SESN3: variants seen among roughly 807,000 people sequenced by gnomAD.
SESN3 encodes the protein sestrin-3.
In SESN3, 21 loss-of-function variants were observed where a neutral mutation model predicts 55.3. That is an observed-to-expected ratio of 0.38 (90% CI 0.27 to 0.55). The LOEUF (loss-of-function observed/expected upper bound fraction) is 0.55. SESN3 is among the 20% of genes least tolerant of loss of function. SESN3 has a pLI of 0.76. For missense variants in SESN3, 408 were observed against 604.3 expected (o/e 0.68, Z 3.41); for synonymous variants, 181 against 203.1 (o/e 0.89, Z 0.93).
intron 1 of SESN3, among the ~76,000 whole-genome samples, chr11:95,199,846 G>A (rs975744808): frequency 2.6e-5 from 4 of 151,636 alleles, no homozygotes; most frequent in African/African-American, 9.7e-5. Flanking sequence ...AAATACTTAA[G>A]GATCTTTTTT....
intron 1 of SESN3, among the ~76,000 whole-genome samples, chr11:95,203,098 G>A (rs779960002): frequency 1.3e-5 from 2 of 152,108 alleles, no homozygotes; most frequent in Non-Finnish European, 2.9e-5. Flanking sequence ...TGAGGGACAA[G>A]TGGAGTTTTA....
intron 1 of SESN3, among the ~76,000 whole-genome samples, chr11:95,227,320 C>G (rs1041459872): frequency 6.6e-6 from 1 of 152,110 alleles, no homozygotes; most frequent in African/African-American, 2.4e-5. Flanking sequence ...ATTCTCCTGC[C>G]TCAGCCTCCT....
At chr11:95,212,052 A>G (rs947034511) in intron 1 of SESN3, among the ~76,000 whole-genome samples, 1 of 152,348 alleles carries the variant, frequency 6.6e-6, no homozygotes, top group Admixed American at 6.5e-5. Flanking sequence ...ATACTCTATA[A>G]TGTTATCTAT....
At position 95,184,482 on chromosome 11, in the gene SESN3, T is replaced by G. The variant is rs1860126173; in HGVS notation, c.875A>C (p.Lys292Thr). Residue 292 changes from lysine to threonine, a missense_variant, in exon 6 of 10, where the codon AAG becomes ACG. Lys to Thr is a moderately conservative substitution (Grantham distance 78). Coordinates refer to ENST00000536441, the MANE Select transcript of SESN3 (RefSeq NM_144665.4). ...CACAAAAAGACTTTCTTTCTTCTCCTTTTCAAAACGAGTGCTCATTTCTTC... is the reference window on the plus strand; with the variant it reads ...CACAAAAAGACTTTCTTTCTTCTCCGTTTCAAAACGAGTGCTCATTTCTTC... ...SQEEMSTRFEKEKKESLFVVS... is the reference protein window; with the variant it reads ...SQEEMSTRFETEKKESLFVVS... The G allele has an allele frequency of 5.0e-6, 8 of 1,613,546 alleles. No homozygotes were observed. The highest frequency in any genetic ancestry group is 6.8e-6 in the Non-Finnish European group (8 of 1,179,770).
At chr11:95,224,607 A>G in intron 1 of SESN3, 1 of 284,922 alleles carries the variant, frequency 3.5e-6, no homozygotes, top group Non-Finnish European at 6.9e-6. Flanking sequence ...GATTATCAAA[A>G]AGTTACATCC....
intron 1 of SESN3, among the ~76,000 whole-genome samples, chr11:95,209,612 C>T (rs1323814545): frequency 1.3e-5 from 2 of 151,288 alleles, no homozygotes; most frequent in Admixed American, 1.3e-4. Flanking sequence ...ATGTTTACTG[C>T]AGCACTATTC....
rs1375668394 is a variant in SESN3 at position 95,171,572 on chromosome 11, C to T, written c.*1683G>A. ...AATGATTTCATGAAACACTAGTTCA[C>T]GATTCTTTCACAAAAGAAAAGTTAA... On this transcript the variant is annotated 3_prime_UTR_variant, in exon 10 of 10. Transcript: ENST00000536441. The T allele has an allele frequency of 2.6e-5, 4 of 152,160 alleles. No individual in the cohort carries two copies. The highest frequency in any genetic ancestry group is 4.8e-5 in the African/African-American group (2 of 41,550). The allele number at this position is 152,160 out of a possible 1,614,324, so 9.4% of individuals were successfully genotyped here. A position where few individuals can be genotyped will look rare whatever the true frequency, so the allele number is the denominator to read the frequency against.
intron 1 of SESN3, among the ~76,000 whole-genome samples, chr11:95,204,597 G>A (rs181910497): frequency 6.6e-6 from 1 of 152,176 alleles, no homozygotes; most frequent in African/African-American, 2.4e-5. Context: ...AATGGGATTA[G>A]TGCCCTTTAT....
At chr11:95,196,564 C>A (rs1860364579) in intron 1 of SESN3, among the ~76,000 whole-genome samples, 1 of 152,108 alleles carries the variant, frequency 6.6e-6, no homozygotes, top group Admixed American at 6.6e-5. Flanking sequence ...CAAGTTCCTA[C>A]TTCACTCATA....
In SESN3 at chr11:95,190,025, C is replaced by T. The variant is rs553907873; in HGVS notation, c.343-64G>A. 5.0e-5 allele frequency: 62 copies of T among 1,237,346 alleles called. No homozygotes were observed. In the African/African-American group the frequency reaches 8.0e-4, roughly 16 times the overall value. The allele number at this position is 1,237,346 out of a possible 1,614,324, so 76.6% of individuals were successfully genotyped here. On this transcript the variant is annotated intron_variant, in intron 3 of 9. Coordinates refer to ENST00000536441, the MANE Select transcript of SESN3 (RefSeq NM_144665.4). ...ACAGTAGAGTTTCTTTCCACTATTT[C>T]TAAACAAATAATTCAGATGGAGCTA...
intron 1 of SESN3, among the ~76,000 whole-genome samples, chr11:95,223,321 T>TC (rs1451035593): frequency 6.6e-6 from 1 of 152,110 alleles, no homozygotes; most frequent in African/African-American, 2.4e-5. Context: ...TGCTGCTGCT[T>TC]CCCCCACACT....
intron 1 of SESN3, among the ~76,000 whole-genome samples, chr11:95,217,734 T>A (rs1177867753): frequency 6.6e-6 from 1 of 151,938 alleles, no homozygotes; most frequent in Non-Finnish European, 1.5e-5. Context: ...TCTTGCACAC[T>A]GCACTAGTTA....
chr11:95,229,110 G>A (rs1038968479), intron 1 of SESN3, among the ~76,000 whole-genome samples: 1 of 152,178 alleles, frequency 6.6e-6, no homozygotes, highest in African/African-American at 2.4e-5. Context: ...ATAACTTGCT[G>A]TCATTTTAAC....
chr11:95,225,453 C>A (rs943756746), intron 1 of SESN3, among the ~76,000 whole-genome samples: 11 of 152,134 alleles, frequency 7.2e-5, no homozygotes, highest in Admixed American at 6.5e-5. Flanking sequence ...ACCAATATTA[C>A]CTGGAGAATC....
intron 1 of SESN3, among the ~76,000 whole-genome samples, chr11:95,193,842 G>A (rs1317147805): frequency 2.0e-5 from 3 of 152,012 alleles, no homozygotes; most frequent in Non-Finnish European, 4.4e-5. Flanking sequence ...ATAAAATAGT[G>A]TTTTATAGTA....
intron 1 of SESN3, among the ~76,000 whole-genome samples, chr11:95,223,826 C>T (rs938180408): frequency 5.9e-5 from 9 of 152,110 alleles, no homozygotes; most frequent in Non-Finnish European, 1.0e-4. Context: ...GGAACCCCTT[C>T]GCACTCTTAA....
At chr11:95,198,141 C>T (rs1860396351) in intron 1 of SESN3, among the ~76,000 whole-genome samples, 1 of 152,094 alleles carries the variant, frequency 6.6e-6, no homozygotes, top group South Asian at 2.1e-4. Flanking sequence ...ATCTTTAAGT[C>T]ATCCTTTCCA....
At chr11:95,212,351 G>A (rs899026489) in intron 1 of SESN3, among the ~76,000 whole-genome samples, 13 of 152,196 alleles carry the variant, frequency 8.5e-5, no homozygotes, top group African/African-American at 1.4e-4. Flanking sequence ...TAACCACAGA[G>A]TAAGCTCTCT....
chr11:95,186,609 T>G (rs1230874881), intron 4 of SESN3, among the ~76,000 whole-genome samples: 1 of 151,944 alleles, frequency 6.6e-6, no homozygotes, highest in African/African-American at 2.4e-5. Flanking sequence ...AGGAAGATAT[T>G]GAACATTCCC....
Sources: allele counts gnomAD v4.1 joint callset (sites outside exome capture counted in the v4.1 genomes callset), GRCh38; gene constraint gnomAD v4.1.1; transcripts MANE v1.5; gene names NCBI Gene and HGNC (gene_info 2026-07-23, HGNC 2026-07-21).